The following CNNM3 variants were observed in gnomAD, a reference collection of about 807,000 sequenced individuals.
CNNM3 encodes metal transporter CNNM3.
A neutral mutation model predicts 57.1 loss-of-function variants in CNNM3; 47 were observed. That is an observed-to-expected ratio of 0.82 (90% CI 0.65 to 1.05). CNNM3 has a LOEUF of 1.05. Ranked by LOEUF, CNNM3 falls within the 50% of genes least tolerant of loss-of-function variation. The pLI is 0.00. For missense variants in CNNM3, 957 were observed against 973.7 expected, an observed-to-expected ratio of 0.98 and a Z score of 0.23; for synonymous variants, 507 against 478.2, an observed-to-expected ratio of 1.06 and a Z score of -0.79.
At chr2:96,830,090 A>G (rs1328069424) in intron 7 of CNNM3, among the ~76,000 whole-genome samples, 1 of 152,144 alleles carries the variant, frequency 6.6e-6, no homozygotes, top group Non-Finnish European at 1.5e-5. Flanking sequence ...GGCTGTGGGT[A>G]GGAGTGGTGA....
Position 96,833,225 on chromosome 2 carries a change from G to T in CNNM3, c.*609G>T, listed in dbSNP as rs867555753. 4 of 357,968 alleles carry T rather than the reference G, an allele frequency of 1.1e-5. No homozygotes were observed. The highest frequency in any genetic ancestry group is 8.4e-5 in the South Asian group (4 of 47,446). 22.2% of individuals were successfully genotyped at this position (357,968 alleles called of 1,614,324 possible). A position where few individuals can be genotyped will look rare whatever the true frequency, so the allele number is the denominator to read the frequency against. On this transcript the variant is annotated 3_prime_UTR_variant, in exon 8 of 8. Coordinates refer to ENST00000305510, the MANE Select transcript of CNNM3 (RefSeq NM_017623.5). ...CCACTGCCCGTAGGCTGTCCCTGTA[G>T]CCCTGCTCCCTCCCTGGAGGCTGCT...
chr2:96,816,281 G>A lies in CNNM3; in HGVS notation c.4G>A (p.Ala2Thr), dbSNP rs1238100388. Residue 2 changes from alanine to threonine, a missense_variant, in exon 1 of 8, where the codon GCG becomes ACG. Ala to Thr is a moderately conservative substitution (Grantham distance 58). This residue lies in a region of CNNM3 where 466 missense variants were observed against 403.1 expected (regional missense o/e 1.16). Coordinates refer to ENST00000305510, the MANE Select transcript of CNNM3 (RefSeq NM_017623.5). M[A>T]AAVAAAGRLG... ...GGCCGAGAGGGGGCAGCAGGCGATG[G>A]CGGCGGCGGTAGCTGCGGCGGGTCG... is the stretch of plus-strand genomic sequence containing the variant. 2.3e-6 allele frequency: 3 copies of A among 1,306,660 alleles called. No homozygotes were observed. Among genetic ancestry groups the A allele is most frequent in the Non-Finnish European group, 2.9e-6 (3 of 1,029,606 alleles). The allele number at this position is 1,306,660 out of a possible 1,614,324, so 80.9% of individuals were successfully genotyped here. A position where few individuals can be genotyped will look rare whatever the true frequency, so the allele number is the denominator to read the frequency against.
At chr2:96,826,371 C>T (rs556458579) in intron 2 of CNNM3, among the ~76,000 whole-genome samples, 1 of 152,012 alleles carries the variant, frequency 6.6e-6, no homozygotes, top group Non-Finnish European at 1.5e-5. Context: ...TGCCACCACA[C>T]CCGTCTAATT....
At position 96,816,465 on chromosome 2, in the gene CNNM3, T is replaced by C. The variant is rs753298326; in HGVS notation, c.188T>C (p.Leu63Pro). ...CGGGACACGCCGGACGCCACCTTCC[T>C]CCTGCGCCTCTTCGGCCCGGGCTTC... is the stretch of plus-strand genomic sequence containing the variant. ...AARDTPDATF[L>P]LRLFGPGFAN... is the part of the protein sequence containing the mutation. Residue 63 changes from leucine to proline, a missense_variant, in exon 1 of 8, where the codon CTC becomes CCC. By Grantham distance (98) the Leu-to-Pro change is moderately conservative. This residue lies in a region of CNNM3 where 466 missense variants were observed against 403.1 expected (regional missense o/e 1.16). Transcript: ENST00000305510. 6.9e-6 allele frequency: 10 copies of C among 1,455,074 alleles called. No homozygotes were observed. Among genetic ancestry groups the C allele is most frequent in the Non-Finnish European group, 1.8e-6 (2 of 1,104,224 alleles). 90.1% of individuals were successfully genotyped at this position (1,455,074 alleles called of 1,614,324 possible).
intron 6 of CNNM3, 74 bp from the exon 7 acceptor site, chr2:96,828,922 C>T (rs376441799): frequency 2.7e-5 from 43 of 1,587,400 alleles, no homozygotes; most frequent in Admixed American, 6.8e-5. Context: ...TCTTCGGGCA[C>T]GGTGTCACCT....
intron 7 of CNNM3, chr2:96,829,426 G>A (rs2079565195): frequency 5.6e-6 from 1 of 179,208 alleles, no homozygotes; most frequent in Non-Finnish European, 1.1e-5. Context: ...TCAGACTCCT[G>A]AGTAGCTGGG....
chr2:96,817,536 T>C (rs754610249), intron 1 of CNNM3, 34 bp downstream of exon 1: 2 of 1,571,124 alleles, frequency 1.3e-6, no homozygotes, highest in South Asian at 2.3e-5. Context: ...GGGACGCCCG[T>C]GCGAGTGCCC....
intron 1 of CNNM3, among the ~76,000 whole-genome samples, chr2:96,818,286 C>T (rs771096956): frequency 7.2e-5 from 11 of 151,858 alleles, no homozygotes; most frequent in Non-Finnish European, 1.5e-4. Context: ...GGTTTCACCA[C>T]GTTGACCAAG....
rs767970563 is a variant in CNNM3 at position 96,828,239 on chromosome 2, G to T, written c.1786+44G>T. 12 of 1,482,610 alleles carry T rather than the reference G, an allele frequency of 8.1e-6. No individual in the cohort carries two copies. In the South Asian group the frequency reaches 1.4e-4, roughly 17 times the overall value. 91.8% of individuals were successfully genotyped at this position (1,482,610 alleles called of 1,614,324 possible). Reference sequence around the variant, plus strand: ...GATGCTGAGGGCCAGGGTGGAGGCTGCAGAGCCTGTCCCCCATCATCACTT... The same window carrying T: ...GATGCTGAGGGCCAGGGTGGAGGCTTCAGAGCCTGTCCCCCATCATCACTT... On this transcript the variant is annotated intron_variant, in intron 5 of 7. Transcript: ENST00000305510.
chr2:96,834,239 G>C lies in CNNM3; in HGVS notation c.*1623G>C, dbSNP rs193085741. Among the ~76,000 whole-genome samples, 1 of 152,162 alleles carries C rather than the reference G, an allele frequency of 6.6e-6. No individual in the cohort carries two copies. On this transcript the variant is annotated 3_prime_UTR_variant, in exon 8 of 8. Coordinates refer to ENST00000305510, the MANE Select transcript of CNNM3 (RefSeq NM_017623.5). Reference sequence around the variant, plus strand: ...GATTCTTAACCTTGGCTGCACACCAGAATCACCTGGCAAATTAAAAATACG... The same window carrying C: ...GATTCTTAACCTTGGCTGCACACCACAATCACCTGGCAAATTAAAAATACG...
At position 96,827,785 on chromosome 2, in the gene CNNM3, T is replaced by C; in HGVS notation, c.1574T>C (p.Leu525Ser). 6.2e-7 allele frequency: 1 copy of C among 1,614,238 alleles called. No individual in the cohort carries two copies. The highest frequency in any genetic ancestry group is 8.5e-7 in the Non-Finnish European group (1 of 1,180,038). Residue 525 changes from leucine to serine, a missense_variant, in exon 4 of 8, where the codon TTG becomes TCG. Transcript: ENST00000305510. ...TCTGAGAAGGTCCTGCTGCACCTGT[T>C]GAAGCATCCCAGTGTCAACCAGGAA... is the stretch of plus-strand genomic sequence containing the variant. ...RISEKVLLHL[L>S]KHPSVNQEVR...
rs771769112 is a variant in CNNM3 at position 96,826,883 on chromosome 2, C to T, written c.1420C>T (p.Arg474Trp). Residue 474 changes from arginine (R) to tryptophan (W), a missense_variant, in exon 3 of 8, where the codon CGG (arginine) becomes TGG (tryptophan). Physicochemically the swap from Arg to Trp is moderately radical, Grantham distance 101. Transcript: ENST00000305510. ...TGCTTCTCTGATGGCCCCTCTGAAG[C>T]GGAAGGAGGAGTTCTCCTTGTTCAA... ...KPASLMAPLK[R>W]KEEFSLFKVS... 2.0e-5 allele frequency: 33 copies of T among 1,614,046 alleles called. No individual in the cohort carries two copies. The highest frequency in any genetic ancestry group is 4.0e-5 in the African/African-American group (3 of 74,928).
In CNNM3 at chr2:96,834,915, A is replaced by G. The variant is rs1167515193; in HGVS notation, c.*2299A>G. Among the ~76,000 whole-genome samples, 1 of 152,158 alleles carries G rather than the reference A, an allele frequency of 6.6e-6. No individual in the cohort carries two copies. Among genetic ancestry groups the G allele is most frequent in the Non-Finnish European group, 1.5e-5 (1 of 68,024 alleles). On this transcript the variant is annotated 3_prime_UTR_variant, in exon 8 of 8. Coordinates refer to ENST00000305510, the MANE Select transcript of CNNM3 (RefSeq NM_017623.5). ...AGGAAGTTGTAAAGGTAAGGGCCCC[A>G]CGCACCCTTCATCTAGTTTCCCTCC...
rs2079627463 is a variant in CNNM3 at position 96,832,837 on chromosome 2, C to T, written c.*221C>T. 6.6e-7 allele frequency: 1 copy of T among 1,513,988 alleles called. No homozygotes were observed. Among genetic ancestry groups the T allele is most frequent in the Non-Finnish European group, 8.8e-7 (1 of 1,133,498 alleles). 93.8% of individuals were successfully genotyped at this position (1,513,988 alleles called of 1,614,324 possible). On this transcript the variant is annotated 3_prime_UTR_variant, in exon 8 of 8. Coordinates refer to ENST00000305510, the MANE Select transcript of CNNM3 (RefSeq NM_017623.5). ...TTAGGAGACAGGAGTCACCAGGGCA[C>T]AGCCCTCCAGGCCCGCCTCAGGAAG...
At chr2:96,830,183 T>C (rs1431998871) in intron 7 of CNNM3, among the ~76,000 whole-genome samples, 1 of 152,144 alleles carries the variant, frequency 6.6e-6, no homozygotes, top group East Asian at 1.9e-4. Flanking sequence ...ATGCCTGAAC[T>C]TGAGATTCCT....
In CNNM3 at chr2:96,816,406, G is replaced by A; in HGVS notation, c.129G>A (p.Ala43=). 7.3e-7 allele frequency: 1 copy of A among 1,372,540 alleles called. No homozygotes were observed. The highest frequency in any genetic ancestry group is 9.4e-7 in the Non-Finnish European group (1 of 1,065,662). The allele number at this position is 1,372,540 out of a possible 1,614,324, so 85.0% of individuals were successfully genotyped here. Residue 43 remains alanine, a synonymous_variant, in exon 1 of 8, where the codon GCG becomes GCA. Coordinates refer to ENST00000305510, the MANE Select transcript of CNNM3 (RefSeq NM_017623.5). ...VLGFCLEEDG[A]AGAGWVRGGA... ...GCTTCTGCCTGGAGGAGGATGGAGC[G>A]GCGGGCGCGGGTTGGGTACGCGGAG...
In CNNM3 at chr2:96,816,424, A is replaced by G. The variant is rs1167253709; in HGVS notation, c.147A>G (p.Val49=). The G allele has an allele frequency of 1.4e-6, 2 of 1,383,344 alleles. No individual in the cohort carries two copies. The highest frequency in any genetic ancestry group is 1.9e-6 in the Non-Finnish European group (2 of 1,071,496). 85.7% of individuals were successfully genotyped at this position (1,383,344 alleles called of 1,614,324 possible). A position where few individuals can be genotyped will look rare whatever the true frequency, so the allele number is the denominator to read the frequency against. The part of the protein sequence containing the change: ...EEDGAAGAGW[V]RGGAARDTPD... ...ATGGAGCGGCGGGCGCGGGTTGGGT[A>G]CGCGGAGGGGCGGCGCGGGACACGC... is the stretch of plus-strand genomic sequence containing the variant. Residue 49 remains valine, a synonymous_variant, in exon 1 of 8, where the codon GTA becomes GTG. Transcript: ENST00000305510.
chr2:96,821,185 A>G (rs2079400956), intron 1 of CNNM3, among the ~76,000 whole-genome samples: 1 of 152,132 alleles, frequency 6.6e-6, no homozygotes, highest in Non-Finnish European at 1.5e-5. Flanking sequence ...TTCTGGTGAC[A>G]TCCCGGAGCT....
intron 1 of CNNM3, among the ~76,000 whole-genome samples, chr2:96,820,803 G>C (rs962036345): frequency 6.6e-6 from 1 of 152,202 alleles, no homozygotes; most frequent in Admixed American, 6.5e-5. Flanking sequence ...AGAGGATGTG[G>C]GACAGGGGAG....
Sources: allele counts gnomAD v4.1 joint callset (sites outside exome capture counted in the v4.1 genomes callset), GRCh38; gene constraint gnomAD v4.1.1; regional missense constraint gnomAD v4.1.1; transcripts MANE v1.5; gene names NCBI Gene and HGNC (gene_info 2026-07-23, HGNC 2026-07-21).